The following LARGE1 variants were observed in gnomAD, a reference collection of about 807,000 sequenced individuals.
LARGE1 encodes the protein xylosyl- and glucuronyltransferase LARGE1.
LARGE1 carries 43 observed loss-of-function variants against 87.6 expected under a neutral mutation model. That is an observed-to-expected ratio of 0.49 (90% CI 0.38 to 0.63). The LOEUF (loss-of-function observed/expected upper bound fraction) is 0.63. Ranked by LOEUF, LARGE1 falls within the 30% of genes least tolerant of loss-of-function variation. The pLI is 0.00. For missense variants in LARGE1, 802 were observed against 1,000.2 expected (o/e 0.80, Z 2.67); for synonymous variants, 434 against 394.6 (o/e 1.10, Z -1.18).
downstream of LARGE1, among the ~76,000 whole-genome samples, chr22:33,272,270 AAGG>A (rs1383104866): frequency 6.6e-6 from 1 of 152,130 alleles, no homozygotes; most frequent in Non-Finnish European, 1.5e-5. Flanking sequence ...CTCTCTAGGG[AAGG>A]AGGAGAAATT....
At chr22:33,216,367 G>A (rs1271451372) in intron 11 of LARGE1, among the ~76,000 whole-genome samples, 2 of 152,148 alleles carry the variant, frequency 1.3e-5, no homozygotes, top group African/African-American at 4.8e-5. Flanking sequence ...GGTGGCTCAC[G>A]CCTGTAATCC....
intron 11 of LARGE1, among the ~76,000 whole-genome samples, chr22:33,235,147 C>G (rs980017212): frequency 1.3e-5 from 2 of 152,116 alleles, no homozygotes; most frequent in African/African-American, 4.8e-5. Flanking sequence ...ACTATGTGTT[C>G]AACACTGTTA....
intron 6 of LARGE1, among the ~76,000 whole-genome samples, chr22:33,555,239 G>A (rs6518831): frequency 0.15 from 23,443 of 152,136 alleles, 3,965 homozygotes; most frequent in African/African-American, 0.42. Context: ...AGGGACTTGA[G>A]CATCTGCAGA....
At chr22:33,895,058 G>A (rs955441084) in intron 1 of LARGE1, among the ~76,000 whole-genome samples, 1 of 152,092 alleles carries the variant, frequency 6.6e-6, no homozygotes, top group Non-Finnish European at 1.5e-5. Flanking sequence ...TTATATTGGA[G>A]AGGCAAGTGG....
chr22:33,364,095 C>T lies in LARGE1; in HGVS notation c.1131+17824G>A, dbSNP rs937011052. Among the ~76,000 whole-genome samples the T allele has an allele frequency of 7.3e-5, 11 of 150,840 alleles. 1 individual carries two copies. The highest frequency in any genetic ancestry group is 2.4e-4 in the African/African-American group (10 of 41,052). On this transcript the variant is annotated intron_variant, in intron 9 of 14. Coordinates refer to ENST00000397394, the MANE Select transcript of LARGE1 (RefSeq NM_133642.5). Reference sequence around the variant, plus strand: ...TTTGAGACGGAGTCTCGCTCTGTCGCCCAGGCTGGAGTGCAGTGGCGCAAT... The same window carrying T: ...TTTGAGACGGAGTCTCGCTCTGTCGTCCAGGCTGGAGTGCAGTGGCGCAAT...
rs543466057 is a variant in LARGE1, at chr22:33,328,127, G to A, written c.1287+9519C>T. Among the ~76,000 whole-genome samples the A allele has an allele frequency of 1.1e-3, 171 of 152,310 alleles. 1 individual carries two copies. Among genetic ancestry groups the A allele is most frequent in the African/African-American group, 3.9e-3 (164 of 41,564 alleles). On this transcript the variant is annotated intron_variant, in intron 10 of 14. Transcript: ENST00000397394. Reference sequence around the variant, plus strand: ...GAAAAATGAAGGAGCCCTGGAGAGAGGGAGTGCTGGGGTATGGGACAGGCA... The same window carrying A: ...GAAAAATGAAGGAGCCCTGGAGAGAAGGAGTGCTGGGGTATGGGACAGGCA...
intron 11 of LARGE1, among the ~76,000 whole-genome samples, chr22:33,230,747 C>A (rs142238088): frequency 7.2e-5 from 11 of 152,268 alleles, no homozygotes; most frequent in Non-Finnish European, 1.3e-4. Context: ...TGTCATAGAT[C>A]TCAAAGAGCT....
chr22:33,791,156 T>G (rs1569448487), intron 1 of LARGE1, among the ~76,000 whole-genome samples: 1 of 152,186 alleles, frequency 6.6e-6, no homozygotes, highest in Non-Finnish European at 1.5e-5. Flanking sequence ...ATGAGCGAGA[T>G]AAATCATTAA....
the LARGE1 span, among the ~76,000 whole-genome samples, chr22:33,122,452 G>A: frequency 2.0e-5 from 3 of 150,028 alleles, no homozygotes; most frequent in Admixed American, 1.3e-4. Flanking sequence ...TCTGCCTCCC[G>A]GGTTCAAGCG....
At chr22:33,579,360 G>A (rs569864712) in intron 5 of LARGE1, among the ~76,000 whole-genome samples, 79 of 152,334 alleles carry the variant, frequency 5.2e-4, no homozygotes, top group African/African-American at 1.8e-3. Context: ...CCAGCCACGC[G>A]GAATTTTAAG....
intron 1 of LARGE1, among the ~76,000 whole-genome samples, chr22:33,871,246 G>A (rs2064271332): frequency 6.6e-6 from 1 of 152,204 alleles, no homozygotes; most frequent in South Asian, 2.1e-4. Context: ...AGCAGCAACA[G>A]AAATCAGAAT....
chr22:33,646,550 T>C (rs2080619585), intron 3 of LARGE1, among the ~76,000 whole-genome samples: 1 of 151,776 alleles, frequency 6.6e-6, no homozygotes, highest in African/African-American at 2.4e-5. Flanking sequence ...TGTATACCTA[T>C]GTAACAAACC....
At chr22:33,326,407 A>G (rs1341320732) in intron 10 of LARGE1, among the ~76,000 whole-genome samples, 1 of 152,138 alleles carries the variant, frequency 6.6e-6, no homozygotes, top group Non-Finnish European at 1.5e-5. Context: ...GTCACTAATT[A>G]CAAACACAGT....
chr22:33,188,284 G>A (rs1181107351), intron 11 of LARGE1, among the ~76,000 whole-genome samples: 1 of 152,028 alleles, frequency 6.6e-6, no homozygotes, highest in Non-Finnish European at 1.5e-5. Flanking sequence ...GACACTAATG[G>A]AGACAGGATG....
At chr22:33,322,696 C>T (rs1936865367) in intron 10 of LARGE1, 1 of 152,242 alleles carries the variant, frequency 6.6e-6, no homozygotes, top group Admixed American at 6.5e-5. Context: ...CCACCTCCAG[C>T]TCTGAACTTC....
the LARGE1 span, among the ~76,000 whole-genome samples, chr22:33,140,246 C>G: frequency 2.0e-5 from 3 of 152,164 alleles, no homozygotes; most frequent in Admixed American, 2.0e-4. Context: ...TGGTCCTCAA[C>G]TGGGAGCTGG....
chr22:33,168,590 AT>A (rs11337171), intron 11 of LARGE1, among the ~76,000 whole-genome samples: 51,059 of 152,116 alleles, frequency 0.34, 9,019 homozygotes, highest in Non-Finnish European at 0.39. Flanking sequence ...ATGCTAATTA[AT>A]GTTAGTTACT....
At chr22:33,068,205 C>T in the LARGE1 span, among the ~76,000 whole-genome samples, 4 of 152,114 alleles carry the variant, frequency 2.6e-5, no homozygotes, top group Non-Finnish European at 4.4e-5. Context: ...GTGATTGGGT[C>T]ACCTCACTAT....
intron 1 of LARGE1, among the ~76,000 whole-genome samples, chr22:33,829,878 G>A (rs568105178): frequency 9.9e-5 from 15 of 152,152 alleles, no homozygotes; most frequent in Non-Finnish European, 1.8e-4. Flanking sequence ...GAGCCAAGGA[G>A]CTCCCAGTCA....
Sources: allele counts gnomAD v4.1 joint callset (sites outside exome capture counted in the v4.1 genomes callset), GRCh38; gene constraint gnomAD v4.1.1; transcripts MANE v1.5; gene names NCBI Gene and HGNC (gene_info 2026-07-23, HGNC 2026-07-21).